Variants in EPHB1 observed in about 807,000 individuals in gnomAD.
EPHB1 encodes ephrin type-B receptor 1.
A neutral mutation model predicts 94.4 loss-of-function variants in EPHB1; 30 were observed. The ratio of observed to expected loss-of-function variants is 0.32; its 90% CI spans 0.24 to 0.43. The LOEUF (loss-of-function observed/expected upper bound fraction) is 0.43, where lower values mean the gene tolerates loss of function less well. EPHB1 is among the 20% of genes least tolerant of loss of function. EPHB1 has a pLI of 1.00. For missense variants in EPHB1, 1,055 were observed against 1,308.3 expected (o/e 0.81, Z 2.99); for synonymous variants, 522 against 489.1 (o/e 1.07, Z -0.89).
chr3:135,152,743 T>C (rs965076959), intron 5 of EPHB1, among the ~76,000 whole-genome samples: 9 of 152,180 alleles, frequency 5.9e-5, no homozygotes, highest in Non-Finnish European at 1.3e-4. Flanking sequence ...ATGGCATCCC[T>C]GCTGCTCTCA....
chr3:135,144,673 G>A (rs1940950911), intron 5 of EPHB1, among the ~76,000 whole-genome samples: 1 of 151,870 alleles, frequency 6.6e-6, no homozygotes, highest in African/African-American at 2.4e-5. Flanking sequence ...TTCCCCTTTG[G>A]CACGGAACCG....
intron 4 of EPHB1, among the ~76,000 whole-genome samples, chr3:135,127,848 G>C (rs150865843): frequency 1.5e-3 from 224 of 152,216 alleles, no homozygotes; most frequent in African/African-American, 5.1e-3. Context: ...AGTGACAACC[G>C]TGCTCCATGC....
rs576382901 is a variant in EPHB1, at chr3:134,824,743, G to T, written c.58+29054G>T. Among the ~76,000 whole-genome samples the T allele has an allele frequency of 1.3e-3, 205 of 152,274 alleles. 1 individual carries two copies. Among genetic ancestry groups the T allele is most frequent in the African/African-American group, 4.8e-3 (200 of 41,558 alleles). The stretch of plus-strand genomic sequence containing the variant: ...CTCTAGCTGTTAGAAAGCTCACTCT[G>T]GGAACCTAGTCGCTGTGTTGTTAAG... On this transcript the variant is annotated intron_variant, in intron 1 of 15. Transcript: ENST00000398015.
rs115060724 is a variant in EPHB1 at position 134,901,928 on chromosome 3, T to A, written c.59-23888T>A. ...GTGGATGTGACATATTCAGCACCAGTGACTGGCCAATAGGAAAGGAGCAAT... is the reference window on the plus strand; with the variant it reads ...GTGGATGTGACATATTCAGCACCAGAGACTGGCCAATAGGAAAGGAGCAAT... On this transcript the variant is annotated intron_variant, in intron 1 of 15. Transcript: ENST00000398015. Among the ~76,000 whole-genome samples the A allele has an allele frequency of 8.4e-3, 1,280 of 152,296 alleles. 20 individuals carry two copies. The highest frequency in any genetic ancestry group is 0.026 in the African/African-American group (1,077 of 41,554).
chr3:134,836,669 C>T (rs2036678952), intron 1 of EPHB1, among the ~76,000 whole-genome samples: 1 of 152,174 alleles, frequency 6.6e-6, no homozygotes, highest in Admixed American at 6.5e-5. Context: ...AACAAATGCA[C>T]TGTTAGTATT....
chr3:134,957,607 G>A (rs6769875), intron 3 of EPHB1, among the ~76,000 whole-genome samples: 75,210 of 152,004 alleles, frequency 0.49, 19,439 homozygotes, highest in African/African-American at 0.63. Context: ...GATAAAGCCC[G>A]AAAAGGGCTC....
intron 5 of EPHB1, among the ~76,000 whole-genome samples, chr3:135,144,584 C>A (rs1940947904): frequency 6.6e-6 from 1 of 152,172 alleles, no homozygotes; most frequent in South Asian, 2.1e-4. Context: ...AAGGTAACAT[C>A]AGAAGTGAGG....
chr3:134,967,860 G>T (rs2107725345), intron 3 of EPHB1, among the ~76,000 whole-genome samples: 1 of 152,284 alleles, frequency 6.6e-6, no homozygotes, highest in South Asian at 2.1e-4. Context: ...GAGTCTGTTG[G>T]AAAACATCTG....
chr3:134,811,220 CAT>C (rs1015215751), intron 1 of EPHB1, among the ~76,000 whole-genome samples: 1 of 128,280 alleles, frequency 7.8e-6, no homozygotes, highest in Non-Finnish European at 1.8e-5. Context: ...TCCTTATTCT[CAT>C]AGTTGCCCCT....
chr3:134,806,935 G>C (rs1444914258), intron 1 of EPHB1, among the ~76,000 whole-genome samples: 1 of 152,208 alleles, frequency 6.6e-6, no homozygotes, highest in Non-Finnish European at 1.5e-5. Flanking sequence ...AACTTAAAAC[G>C]GGGAAGGGAG....
In EPHB1 at chr3:134,951,783, A is replaced by G. The variant is rs1234364700; in HGVS notation, c.536A>G (p.Asp179Gly). The G allele has an allele frequency of 6.2e-7, 1 of 1,613,968 alleles. No individual in the cohort carries two copies. The highest frequency in any genetic ancestry group is 2.2e-5 in the East Asian group (1 of 44,880). Residue 179 changes from aspartate (D) to glycine (G), a missense_variant, in exon 3 of 16, where the codon GAT becomes GGT. Transcript: ENST00000398015. This position sits in a 1 kb window ranked among gnomAD's most constrained non-coding sequence, Gnocchi z 4.5. The stretch of plus-strand genomic sequence containing the variant: ...AATGGTTTTTACCTCGCTTTTCAGG[A>G]TTATGGAGCCTGTATGTCTCTTCTT... ...TRNGFYLAFQ[D>G]YGACMSLLSV...
chr3:135,201,815 A>G (rs1942765025), intron 12 of EPHB1, 126 bp downstream of exon 12: 1 of 912,848 alleles, frequency 1.1e-6, no homozygotes, highest in Non-Finnish European at 1.7e-6. Flanking sequence ...CCACTGAAAG[A>G]CCAAGATGCC....
At chr3:134,865,751 A>G (rs868078591) in intron 1 of EPHB1, among the ~76,000 whole-genome samples, 1 of 152,154 alleles carries the variant, frequency 6.6e-6, no homozygotes, top group Admixed American at 6.5e-5. Flanking sequence ...GATGCAAAAC[A>G]GAGTGTTTCA....
intron 5 of EPHB1, among the ~76,000 whole-genome samples, chr3:135,145,122 A>G (rs1220452242): frequency 6.6e-6 from 1 of 152,224 alleles, no homozygotes; most frequent in Non-Finnish European, 1.5e-5. Context: ...TATTTGGGCA[A>G]TGAAATGAGT....
intron 1 of EPHB1, among the ~76,000 whole-genome samples, chr3:134,882,598 A>T (rs1194555450): frequency 6.6e-6 from 1 of 152,052 alleles, no homozygotes; most frequent in Non-Finnish European, 1.5e-5. Context: ...GGGTAGGGGG[A>T]GTCTGCTCTG....
chr3:134,804,616 C>T (rs1163987184), intron 1 of EPHB1, among the ~76,000 whole-genome samples: 3 of 152,192 alleles, frequency 2.0e-5, no homozygotes, highest in Admixed American at 6.5e-5. Flanking sequence ...ATAGGCTCAC[C>T]TTCCAGAGGA....
intron 1 of EPHB1, among the ~76,000 whole-genome samples, chr3:134,916,165 G>A (rs2038564172): frequency 6.6e-6 from 1 of 151,658 alleles, no homozygotes; most frequent in Admixed American, 6.6e-5. Context: ...GCCAGACACA[G>A]GGTGCTGATT....
chr3:135,023,966 T>G (rs1936057914), intron 3 of EPHB1, among the ~76,000 whole-genome samples: 1 of 152,232 alleles, frequency 6.6e-6, no homozygotes, highest in South Asian at 2.1e-4. Context: ...GGTGAATATA[T>G]CACTGGTTAA....
chr3:134,804,071 ATTTTTTTTTTTTTTTT>A lies in EPHB1; in HGVS notation c.58+8402_58+8417del, dbSNP rs572201781. Among the ~76,000 whole-genome samples the A allele has an allele frequency of 1.8e-3, 79 of 43,766 alleles. 1 individual carries two copies. In the East Asian group the frequency reaches 0.021, roughly 12 times the overall value. The allele number at this position is 43,766 out of a possible 152,430, so 28.7% of individuals were successfully genotyped here. The stretch of plus-strand genomic sequence containing the variant: ...ACCCCCACTGTGGTCATTATTGGCT[ATTTTTTTTTTTTTTTT>A]TTTTTTTTTTTTTTTTTTTGCTGCA... On this transcript the variant is annotated intron_variant, in intron 1 of 15. Transcript: ENST00000398015.
Sources: gnomAD v4.1 joint callset for allele counts (sites outside exome capture counted in the v4.1 genomes callset) on GRCh38, gnomAD v4.1.1 for gene constraint, Gnocchi (gnomAD v3.1) non-coding constraint, MANE v1.5 for transcripts, NCBI Gene and HGNC (gene_info 2026-07-23, HGNC 2026-07-21) for gene names.